The following RBM5 variants were observed in gnomAD, a reference collection of about 807,000 sequenced individuals.
RBM5 encodes the protein RNA binding motif protein 5, also known as RNA-binding protein 5.
Under a neutral mutation model 124.6 loss-of-function variants are expected in RBM5, and 15 were observed. The observed-to-expected ratio is 0.12, with a 90% CI of 0.08 to 0.19. RBM5 has a LOEUF of 0.19. RBM5 is among the 10% of genes least tolerant of loss of function. The probability of loss-of-function intolerance (pLI) is 1.00; values close to 1 mark genes in which losing one functional copy is unlikely to be tolerated. For synonymous variants in RBM5, 337 were observed against 361.2 expected, an observed-to-expected ratio of 0.93 and a Z score of 0.76; for missense variants, 580 against 1,026.5, an observed-to-expected ratio of 0.57 and a Z score of 5.94.
At chr3:50,118,222 C>T (rs2091293873) in intron 24 of RBM5, 109 bp from the exon 25 acceptor site, 2 of 1,437,508 alleles carry the variant, frequency 1.4e-6, no homozygotes, top group Non-Finnish European at 1.9e-6. Flanking sequence ...ATACAGTTTT[C>T]TCTCTTCTGT....
chr3:50,095,498 T>C (rs544044141), intron 4 of RBM5, among the ~76,000 whole-genome samples: 2 of 152,072 alleles, frequency 1.3e-5, no homozygotes, highest in Non-Finnish European at 2.9e-5. Context: ...CTTAGTGTAC[T>C]TGGCACTGCC....
intron 18 of RBM5, 117 bp from the exon 19 acceptor site, chr3:50,113,833 G>A: frequency 8.4e-7 from 1 of 1,189,376 alleles, no homozygotes; most frequent in East Asian, 2.4e-5. Context: ...GTAGGTGGAA[G>A]TAAGAGTAAA....
intron 12 of RBM5, 103 bp downstream of exon 12, chr3:50,107,672 CTTTTTTTTTTTTTTTTT>C (rs71080575): frequency 3.4e-4 from 36 of 104,876 alleles, no homozygotes; most frequent in South Asian, 5.2e-4. Flanking sequence ...CTTTTCTTTT[CTTTTTTTTTTTTTTTTT>C]TTTTTTTTTT....
intron 1 of RBM5, among the ~76,000 whole-genome samples, chr3:50,089,614 C>A (rs551904357): frequency 1.3e-5 from 2 of 152,334 alleles, no homozygotes; most frequent in Admixed American, 1.3e-4. Flanking sequence ...TTGTTTCCCC[C>A]CAGTGGTTCT....
At chr3:50,095,616 G>A (rs1415940273) in intron 4 of RBM5, among the ~76,000 whole-genome samples, 1 of 151,560 alleles carries the variant, frequency 6.6e-6, no homozygotes, top group Non-Finnish European at 1.5e-5. Context: ...GCCTTTTTCT[G>A]CTTGGAGACG....
intron 17 of RBM5, chr3:50,112,862 A>T (rs2091173540): frequency 6.6e-6 from 1 of 151,766 alleles, no homozygotes; most frequent in Admixed American, 6.6e-5. Flanking sequence ...TTTTATTATC[A>T]TTTTTTTTGA....
At chr3:50,090,301 C>A in intron 1 of RBM5, 81 bp from the exon 2 acceptor site, 1 of 894,578 alleles carries the variant, frequency 1.1e-6, no homozygotes, top group Non-Finnish European at 1.7e-6. Context: ...GAAATCCCAG[C>A]CTCAGTAGTA....
chr3:50,115,741 A>C, intron 21 of RBM5, 134 bp downstream of exon 21: 3 of 1,233,806 alleles, frequency 2.4e-6, no homozygotes, highest in Non-Finnish European at 3.4e-6. Context: ...TCCCGATGAC[A>C]GTGGACGGAG....
chr3:50,106,413 C>T (rs946615573), intron 10 of RBM5, among the ~76,000 whole-genome samples: 2 of 152,068 alleles, frequency 1.3e-5, no homozygotes, highest in Non-Finnish European at 1.5e-5. Context: ...TGAGCCACCG[C>T]GCCCAGCCAC....
rs757429725 is a variant in RBM5 at position 50,105,091 on chromosome 3, G to C, written c.643G>C (p.Val215Leu). The change falls in exon 9 of 25, where the codon GTG becomes CTG. Residue 215 changes from valine (V) to leucine (L), a missense_variant. Around this residue, in one of 6 missense-constraint regions of RBM5, gnomAD observed 101 missense variants for 223.2 expected, o/e 0.45. Transcript: ENST00000347869. ...TTCCCTTCTAGACTCTGAACAGGAA[G>C]TGCCTCCTGGAACCACAGAGTCGGT... ...GADKFDSEQE[V>L]PPGTTESVQS... 7.5e-6 allele frequency: 12 copies of C among 1,590,648 alleles called. No homozygotes were observed. The highest frequency in any genetic ancestry group is 1.7e-5 in the Admixed American group (1 of 59,894).
intron 7 of RBM5, among the ~76,000 whole-genome samples, chr3:50,103,491 A>G (rs980864493): frequency 2.0e-5 from 3 of 152,162 alleles, no homozygotes; most frequent in African/African-American, 7.2e-5. Flanking sequence ...TACTAAAAAT[A>G]CAAAAATTAG....
intron 17 of RBM5, among the ~76,000 whole-genome samples, chr3:50,112,411 G>A (rs1453972547): frequency 1.6e-5 from 1 of 62,704 alleles, no homozygotes; most frequent in African/African-American, 8.0e-5. Context: ...GCGAGACTCT[G>A]TCTAAAAAAA....
chr3:50,091,983 A>T (rs765707035), intron 2 of RBM5, 60 bp from the exon 3 acceptor site: 2 of 1,543,324 alleles, frequency 1.3e-6, no homozygotes, highest in South Asian at 2.2e-5. Flanking sequence ...ATTTTTAACT[A>T]TGTCTTTTAA....
rs2090888632 is a variant in RBM5, at chr3:50,099,219, G to A, written c.340-763G>A. ...TGCAGTGAGCTGAGATCACACCAGT[G>A]CACTTCAGCCTGGGTGTCAGAGCTA... On this transcript the variant is annotated intron_variant, in intron 4 of 24. Coordinates refer to ENST00000347869, the MANE Select transcript of RBM5 (RefSeq NM_005778.4). Among the ~76,000 whole-genome samples, 6 of 151,276 alleles carry A rather than the reference G, an allele frequency of 4.0e-5. No individual in the cohort carries two copies. The Admixed American group carries it at 4.0e-4, about 10-fold the overall frequency.
Position 50,100,749 on chromosome 3 carries a change from T to A in RBM5, c.483+144T>A. 1.7e-6 allele frequency: 1 copy of A among 601,424 alleles called. No homozygotes were observed. The highest frequency in any genetic ancestry group is 2.8e-6 in the Non-Finnish European group (1 of 353,196). The allele number at this position is 601,424 out of a possible 1,614,324, so 37.3% of individuals were successfully genotyped here. On this transcript the variant is annotated intron_variant, in intron 6 of 24. Coordinates refer to ENST00000347869, the MANE Select transcript of RBM5 (RefSeq NM_005778.4). The surrounding 1 kb of genome is among the most constrained non-coding windows in gnomAD (Gnocchi z 5.1). ...TTGTATATATTAAAATTGATGTTAC[T>A]AGAATAAGTACAGTACCAAGGACTT... is the stretch of plus-strand genomic sequence containing the variant.
Position 50,090,438 on chromosome 3 carries a change from G to A in RBM5, c.4G>A (p.Gly2Ser), listed in dbSNP as rs747958949. ...GTGCTAAATCTTCAGTGGGACAATG[G>A]GTTCAGACAAAAGGTAAGTTACTAC... M[G>S]SDKRVSRTER... Residue 2 changes from glycine (G) to serine (S), a missense_variant, in exon 2 of 25, where the codon GGT becomes AGT. By Grantham distance (56) the Gly-to-Ser change is moderately conservative (BLOSUM62 0). Around this residue, in one of 6 missense-constraint regions of RBM5, gnomAD observed 99 missense variants for 121.1 expected, o/e 0.82. Coordinates refer to ENST00000347869, the MANE Select transcript of RBM5 (RefSeq NM_005778.4). The A allele has an allele frequency of 6.2e-7, 1 of 1,613,936 alleles. No homozygotes were observed. Among genetic ancestry groups the A allele is most frequent in the Non-Finnish European group, 8.5e-7 (1 of 1,179,940 alleles).
rs2091230345 is a variant in RBM5, at chr3:50,115,416, T to A, written c.1840-12T>A. The A allele has an allele frequency of 6.2e-7, 1 of 1,610,970 alleles. No individual in the cohort carries two copies. The highest frequency in any genetic ancestry group is 1.1e-5 in the South Asian group (1 of 90,594). On this transcript the variant is annotated splice_polypyrimidine_tract_variant and intron_variant, in intron 20 of 24. Coordinates refer to ENST00000347869, the MANE Select transcript of RBM5 (RefSeq NM_005778.4). ...GTACATTTCCAGTGACCTGTCCTCC[T>A]TTTGTCTCCAGAGGGGTCTGGTTGC...
At chr3:50,111,455 C>T (rs1311767231) in intron 17 of RBM5, among the ~76,000 whole-genome samples, 1 of 152,160 alleles carries the variant, frequency 6.6e-6, no homozygotes, top group East Asian at 1.9e-4. Context: ...TGGCTCACTG[C>T]AGCCTCCACC....
At chr3:50,093,037 G>A in intron 3 of RBM5, 1 of 231,304 alleles carries the variant, frequency 4.3e-6, no homozygotes, top group South Asian at 4.2e-5. Context: ...TACTCAGGAG[G>A]CTGAGGTACG....
Sources: gnomAD v4.1 joint callset for allele counts (sites outside exome capture counted in the v4.1 genomes callset) on GRCh38, gnomAD v4.1.1 for gene constraint, gnomAD v4.1.1 regional missense constraint, Gnocchi (gnomAD v3.1) non-coding constraint, MANE v1.5 for transcripts, NCBI Gene and HGNC (gene_info 2026-07-23, HGNC 2026-07-21) for gene names.